TBC1D19: variants seen among roughly 807,000 people sequenced by gnomAD.
TBC1D19 encodes the protein TBC1 domain family, member 19.
TBC1D19 carries 60 observed loss-of-function variants against 89.0 expected under a neutral mutation model. That is an observed-to-expected ratio of 0.67 (90% CI 0.55 to 0.84). The LOEUF (loss-of-function observed/expected upper bound fraction) is 0.84, where lower values mean the gene tolerates loss of function less well. Among genes scored for constraint, TBC1D19 ranks in the 40% least tolerant of loss-of-function variants. TBC1D19 has a pLI of 0.00. For missense variants in TBC1D19, 500 were observed against 610.8 expected (o/e 0.82, Z 1.91); for synonymous variants, 189 against 199.7 (o/e 0.95, Z 0.45).
At chr4:26,713,005 G>A (rs894075349) in intron 13 of TBC1D19, among the ~76,000 whole-genome samples, 1 of 151,954 alleles carries the variant, frequency 6.6e-6, no homozygotes, top group Non-Finnish European at 1.5e-5. Flanking sequence ...CATCTTCGGG[G>A]GCCATTATGC....
At chr4:26,628,110 G>A (rs1194487164) in intron 4 of TBC1D19, among the ~76,000 whole-genome samples, 1 of 152,140 alleles carries the variant, frequency 6.6e-6, no homozygotes, top group Non-Finnish European at 1.5e-5. Flanking sequence ...CATATGGCTA[G>A]CCAGTTTTCC....
chr4:26,590,956 G>A (rs1577756296), intron 1 of TBC1D19, among the ~76,000 whole-genome samples: 2 of 151,140 alleles, frequency 1.3e-5, no homozygotes, highest in Non-Finnish European at 3.0e-5. Context: ...TGGCTACTGT[G>A]GGTTTTGACA....
intron 7 of TBC1D19, among the ~76,000 whole-genome samples, chr4:26,642,063 C>T (rs1206380888): frequency 6.6e-6 from 1 of 152,114 alleles, no homozygotes; most frequent in African/African-American, 2.4e-5. Flanking sequence ...CATTCAAATT[C>T]AGGAAATACA....
the TBC1D19 span, among the ~76,000 whole-genome samples, chr4:26,768,495 G>A: frequency 1.3e-5 from 2 of 152,108 alleles, no homozygotes; most frequent in Non-Finnish European, 2.9e-5. Context: ...ACTCATGATA[G>A]GAACAAAATT....
chr4:26,653,810 G>A (rs990989243), intron 7 of TBC1D19, among the ~76,000 whole-genome samples: 1 of 152,060 alleles, frequency 6.6e-6, no homozygotes, highest in African/African-American at 2.4e-5. Flanking sequence ...ACACTGATGG[G>A]TCTTTACTCT....
chr4:26,584,226 T>G lies in TBC1D19; in HGVS notation c.33T>G (p.Ile11Met), dbSNP rs1739267193. 2 of 1,612,798 alleles carry G rather than the reference T, an allele frequency of 1.2e-6. No individual in the cohort carries two copies. The highest frequency in any genetic ancestry group is 1.7e-6 in the Non-Finnish European group (2 of 1,179,680). Reference sequence around the variant, plus strand: ...AGGAGGAGTCGGACCTCTCTCTCATTATTGCCCAGATAGTCCAAAAGCTCA... The same window carrying G: ...AGGAGGAGTCGGACCTCTCTCTCATGATTGCCCAGATAGTCCAAAAGCTCA... MLQEESDLSL[I>M]IAQIVQKLKG... Residue 11 changes from isoleucine to methionine, a missense_variant, in exon 1 of 21, where the codon ATT (isoleucine) becomes ATG (methionine). By Grantham distance (10) the Ile-to-Met change is conservative. Around this residue, in one of 2 missense-constraint regions of TBC1D19, gnomAD observed 280 missense variants for 291.7 expected, o/e 0.96. Transcript: ENST00000264866.
rs1560503907 is a variant in TBC1D19, at chr4:26,734,994, A to ATGTATACACATATGTATATG, written c.1085-449_1085-430dup. On this transcript the variant is annotated intron_variant, in intron 15 of 20. Coordinates refer to ENST00000264866, the MANE Select transcript of TBC1D19 (RefSeq NM_018317.4). Reference sequence around the variant, plus strand: ...TGTATACACATATGTATATGTATATATGTATACACATATGTATATGTGTAT... The same window carrying ATGTATACACATATGTATATG: ...TGTATACACATATGTATATGTATATATGTATACACATATGTATATGTGTATACACATATGTATATGTGTAT... Among the ~76,000 whole-genome samples the ATGTATACACATATGTATATG allele has an allele frequency of 2.2e-4, 23 of 104,448 alleles. 1 individual carries two copies. The highest frequency in any genetic ancestry group is 4.2e-4 in the Non-Finnish European group (19 of 45,124). 68.5% of individuals were successfully genotyped at this position (104,448 alleles called of 152,430 possible).
chr4:26,710,039 TTTTTATTATACTTTAAG>T (rs1366470535), intron 13 of TBC1D19, among the ~76,000 whole-genome samples: 1 of 151,978 alleles, frequency 6.6e-6, no homozygotes. Flanking sequence ...TTTTTTTTAT[TTTTTATTATACTTTAAG>T]TTTTAGGGCA....
the TBC1D19 span, among the ~76,000 whole-genome samples, chr4:26,777,437 T>C: frequency 6.6e-6 from 1 of 151,424 alleles, no homozygotes; most frequent in Non-Finnish European, 1.5e-5. Flanking sequence ...ACTCTGCCTG[T>C]TTGTTTGGTT....
intron 16 of TBC1D19, among the ~76,000 whole-genome samples, chr4:26,737,153 A>G (rs1394460184): frequency 6.6e-6 from 1 of 152,146 alleles, no homozygotes; most frequent in Non-Finnish European, 1.5e-5. Context: ...GTTCAATGAA[A>G]ACGAGTCAAA....
chr4:26,851,402 C>G, the TBC1D19 span, among the ~76,000 whole-genome samples: 7 of 151,670 alleles, frequency 4.6e-5, no homozygotes, highest in Admixed American at 2.6e-4. Flanking sequence ...CTGTGGAGAA[C>G]TCTAATACAC....
At chr4:26,598,032 C>T (rs1740343112) in intron 1 of TBC1D19, among the ~76,000 whole-genome samples, 1 of 152,024 alleles carries the variant, frequency 6.6e-6, no homozygotes, top group South Asian at 2.1e-4. Flanking sequence ...GTTATTTTGC[C>T]ATGCATTTTA....
At chr4:26,591,312 G>T (rs1287016496) in intron 1 of TBC1D19, among the ~76,000 whole-genome samples, 1 of 151,730 alleles carries the variant, frequency 6.6e-6, no homozygotes, top group Non-Finnish European at 1.5e-5. Flanking sequence ...TAGACATCTT[G>T]GTTGCATACA....
At chr4:26,673,446 T>TATATATATACAC (rs373807642) in intron 10 of TBC1D19, among the ~76,000 whole-genome samples, 6 of 90,872 alleles carry the variant, frequency 6.6e-5, no homozygotes, top group African/African-American at 1.3e-4. Flanking sequence ...TATATATATA[T>TATATATATACAC]ACACACACAC....
the TBC1D19 span, among the ~76,000 whole-genome samples, chr4:26,828,737 C>G: frequency 6.6e-6 from 1 of 152,210 alleles, no homozygotes; most frequent in Non-Finnish European, 1.5e-5. Context: ...AATAAAAGTA[C>G]CTACCTTCTA....
At position 26,741,527 on chromosome 4, in the gene TBC1D19, G is replaced by T. The variant is rs1043228206; in HGVS notation, c.1228-981G>T. 3.3e-5 allele frequency among the ~76,000 whole-genome samples: 5 copies of T among 152,046 alleles called. No homozygotes were observed. In the East Asian group the frequency reaches 9.6e-4, roughly 29 times the overall value. On this transcript the variant is annotated intron_variant, in intron 17 of 20. Transcript: ENST00000264866. ...TGTTCTCCCTGTGCAGAGCACTGAA[G>T]CCTGGCACTGGGCAACTCTGGGTAT...
At chr4:26,645,059 C>T (rs1036402274) in intron 7 of TBC1D19, among the ~76,000 whole-genome samples, 2 of 151,940 alleles carry the variant, frequency 1.3e-5, no homozygotes, top group African/African-American at 4.8e-5. Flanking sequence ...GAATCAAAAT[C>T]GTGAAAATGG....
intron 7 of TBC1D19, among the ~76,000 whole-genome samples, chr4:26,640,870 C>G (rs1003081556): frequency 9.2e-5 from 14 of 152,220 alleles, no homozygotes; most frequent in Non-Finnish European, 2.1e-4. Flanking sequence ...ATAGTTGAGG[C>G]TTGAGTAGGT....
chr4:26,757,864 GA>G (rs1719329388), downstream of TBC1D19, among the ~76,000 whole-genome samples: 1 of 152,116 alleles, frequency 6.6e-6, no homozygotes, highest in Non-Finnish European at 1.5e-5. Context: ...TTCTATGCTT[GA>G]AAAACTCAAC....
Sources: gnomAD v4.1 joint callset for allele counts (sites outside exome capture counted in the v4.1 genomes callset) on GRCh38, gnomAD v4.1.1 for gene constraint, gnomAD v4.1.1 regional missense constraint, MANE v1.5 for transcripts, NCBI Gene and HGNC (gene_info 2026-07-23, HGNC 2026-07-21) for gene names.